The following LHPP variants were observed in gnomAD, a reference collection of about 807,000 sequenced individuals.
LHPP encodes hLHPP.
Under a neutral mutation model 30.3 loss-of-function variants are expected in LHPP, and 24 were observed. That is an observed-to-expected ratio of 0.79 (90% CI 0.57 to 1.11). The LOEUF is 1.11. Among genes scored for constraint, LHPP ranks in the 50% most tolerant of loss-of-function variants. LHPP has a pLI of 0.00. For missense variants in LHPP, 356 were observed against 367.2 expected (o/e 0.97, Z 0.25); for synonymous variants, 150 against 157.1 (o/e 0.95, Z 0.34).
At chr10:124,558,943 C>T (rs1011502342) in intron 6 of LHPP, among the ~76,000 whole-genome samples, 2 of 152,208 alleles carry the variant, frequency 1.3e-5, no homozygotes, top group African/African-American at 2.4e-5. Context: ...CTGTTGGAAT[C>T]GTGGGGCCTT....
At chr10:124,587,191 C>A (rs555065407) in intron 6 of LHPP, among the ~76,000 whole-genome samples, 4 of 151,854 alleles carry the variant, frequency 2.6e-5, no homozygotes, top group African/African-American at 9.7e-5. Context: ...GCCACCACAC[C>A]CGGCTAATTA....
At chr10:124,482,477 C>T (rs538305799) in intron 1 of LHPP, among the ~76,000 whole-genome samples, 193 of 152,250 alleles carry the variant, frequency 1.3e-3, no homozygotes, top group Non-Finnish European at 2.2e-3. Flanking sequence ...CTTGGGCTTG[C>T]AGCTTGATGT....
rs903116912 is a variant in LHPP, at chr10:124,593,676, C to T, written c.717-19588C>T. 2.0e-4 allele frequency among the ~76,000 whole-genome samples: 30 copies of T among 152,360 alleles called. No individual in the cohort carries two copies. Among genetic ancestry groups the T allele is most frequent in the African/African-American group, 6.5e-4 (27 of 41,600 alleles). ...CTATCCAGAGGGTGGTGGACCCAAA[C>T]GCGACGTCCCCAGTGGCGGTGGCTG... On this transcript the variant is annotated intron_variant, in intron 6 of 6. Transcript: ENST00000368842. This position sits in a 1 kb window ranked among gnomAD's most constrained non-coding sequence, Gnocchi z 4.9.
chr10:124,464,899 T>C (rs1320116047), intron 1 of LHPP, among the ~76,000 whole-genome samples: 1 of 152,170 alleles, frequency 6.6e-6, no homozygotes, highest in Non-Finnish European at 1.5e-5. Flanking sequence ...GGCAGTACCT[T>C]TTAAATAGCA....
At chr10:124,476,640 G>A (rs1159216990) in intron 1 of LHPP, among the ~76,000 whole-genome samples, 1 of 152,196 alleles carries the variant, frequency 6.6e-6, no homozygotes, top group Non-Finnish European at 1.5e-5. Context: ...ATGGTGCAGG[G>A]CACGGGGTGG....
chr10:124,470,089 C>G (rs980192627), intron 1 of LHPP, among the ~76,000 whole-genome samples: 2 of 152,194 alleles, frequency 1.3e-5, no homozygotes, highest in Non-Finnish European at 2.9e-5. Context: ...CCGTGTCCCC[C>G]CAACAGGCCC....
At chr10:124,535,250 T>C (rs1485953518) in intron 6 of LHPP, among the ~76,000 whole-genome samples, 1 of 152,256 alleles carries the variant, frequency 6.6e-6, no homozygotes, top group Non-Finnish European at 1.5e-5. Context: ...GTCCTCACTT[T>C]GCAGAGAGGT....
chr10:124,582,930 C>T (rs1589692872), intron 6 of LHPP, among the ~76,000 whole-genome samples: 1 of 151,880 alleles, frequency 6.6e-6, no homozygotes, highest in Non-Finnish European at 1.5e-5. Context: ...ATTGTCTTCA[C>T]ATTGAGTAGG....
intron 6 of LHPP, among the ~76,000 whole-genome samples, chr10:124,583,760 A>T (rs542420211): frequency 6.6e-6 from 1 of 152,242 alleles, no homozygotes; most frequent in Non-Finnish European, 1.5e-5. Flanking sequence ...CATGACCCAA[A>T]CACCTCCCAC....
intron 6 of LHPP, among the ~76,000 whole-genome samples, chr10:124,604,758 G>A (rs1211175754): frequency 6.6e-6 from 1 of 152,196 alleles, no homozygotes; most frequent in African/African-American, 2.4e-5. Flanking sequence ...GAATTCACTG[G>A]GCAGCCGCCC....
chr10:124,553,795 T>C (rs928500289), intron 6 of LHPP: 14 of 668,482 alleles, frequency 2.1e-5, no homozygotes, highest in Non-Finnish European at 2.6e-5. Context: ...CTCCCGGTGA[T>C]ATTGTCACCT....
At chr10:124,507,095 G>C (rs1320615367) in intron 5 of LHPP, among the ~76,000 whole-genome samples, 2 of 57,796 alleles carry the variant, frequency 3.5e-5, no homozygotes, top group Non-Finnish European at 6.4e-5. Flanking sequence ...GGGGGGTAGG[G>C]AGGATTTCAG....
rs1955034195 is a variant in LHPP at position 124,536,604 on chromosome 10, G to T, written c.716+19333G>T. On this transcript the variant is annotated intron_variant, in intron 6 of 6. Coordinates refer to ENST00000368842, the MANE Select transcript of LHPP (RefSeq NM_022126.4). ...GAGCCAGAGAAGAACCTCCCTGAGG[G>T]CTCTGTGAGCCAGAGGGCTGGGGGA... Among the ~76,000 whole-genome samples the T allele has an allele frequency of 2.6e-5, 4 of 152,214 alleles. No individual in the cohort carries two copies. In the South Asian group the frequency reaches 8.3e-4, roughly 32 times the overall value.
chr10:124,540,302 A>G (rs1955150223), intron 6 of LHPP, among the ~76,000 whole-genome samples: 1 of 152,316 alleles, frequency 6.6e-6, no homozygotes, highest in South Asian at 2.1e-4. Context: ...CTCCAGGTCC[A>G]CACGGCTGTG....
At chr10:124,575,226 G>C (rs1246551607) in intron 6 of LHPP, among the ~76,000 whole-genome samples, 2 of 152,110 alleles carry the variant, frequency 1.3e-5, no homozygotes, top group South Asian at 4.1e-4. Context: ...CACCAGTCAT[G>C]AAGCGGCGTG....
intron 1 of LHPP, among the ~76,000 whole-genome samples, chr10:124,463,678 A>G (rs1952469454): frequency 1.1e-5 from 1 of 91,016 alleles, no homozygotes; most frequent in Admixed American, 1.2e-4. Context: ...TTTTCTTTGT[A>G]TAATTTTTTT....
intron 6 of LHPP, among the ~76,000 whole-genome samples, chr10:124,599,766 T>G (rs1038116878): frequency 1.3e-5 from 2 of 152,222 alleles, no homozygotes; most frequent in African/African-American, 4.8e-5. Context: ...GCCCAGGAGC[T>G]GCGTCTGCAC....
intron 6 of LHPP, among the ~76,000 whole-genome samples, chr10:124,554,995 G>A (rs1948270242): frequency 2.6e-5 from 4 of 152,320 alleles, no homozygotes; most frequent in South Asian, 2.1e-4. Context: ...AGCTTTATGC[G>A]GCTGGCATTT....
chr10:124,469,939 G>C (rs1018633920), intron 1 of LHPP, among the ~76,000 whole-genome samples: 1 of 152,166 alleles, frequency 6.6e-6, no homozygotes, highest in Admixed American at 6.5e-5. Context: ...CAGGCATCTG[G>C]GCTAAGAGCA....
Sources: gnomAD v4.1 joint callset for allele counts (sites outside exome capture counted in the v4.1 genomes callset) on GRCh38, gnomAD v4.1.1 for gene constraint, Gnocchi (gnomAD v3.1) non-coding constraint, MANE v1.5 for transcripts, NCBI Gene and HGNC (gene_info 2026-07-23, HGNC 2026-07-21) for gene names.